The following SNX6 variants were observed in gnomAD, a reference collection of about 807,000 sequenced individuals.
SNX6 encodes the protein sorting nexin 6.
SNX6 carries 34 observed loss-of-function variants against 63.0 expected under a neutral mutation model. That is an observed-to-expected ratio of 0.54 (90% CI 0.41 to 0.72). The LOEUF is 0.72. Among genes scored for constraint, SNX6 ranks in the 30% least tolerant of loss-of-function variants. The pLI is 0.00. For synonymous variants in SNX6, 170 were observed against 164.2 expected (o/e 1.04, Z -0.27); for missense variants, 398 against 471.4 (o/e 0.84, Z 1.44).
intron 13 of SNX6, among the ~76,000 whole-genome samples, chr14:34,566,701 TTACTA>T (rs1190108850): frequency 6.6e-6 from 1 of 152,182 alleles, no homozygotes; most frequent in Non-Finnish European, 1.5e-5. Flanking sequence ...ATTCTTAAAA[TTACTA>T]TAAGGTTTAG....
At chr14:34,598,618 G>A (rs1478918322) in intron 6 of SNX6, among the ~76,000 whole-genome samples, 1 of 152,188 alleles carries the variant, frequency 6.6e-6, no homozygotes, top group East Asian at 1.9e-4. Flanking sequence ...CCTGACCTCA[G>A]GTGATCCAAC....
chr14:34,578,033 A>AC lies in SNX6; in HGVS notation c.835-2192dup, dbSNP rs535292455. Reference sequence around the variant, plus strand: ...AGCCTGGCCAACATGGTGAAACCCCACCCCCCCGTCTCTACATAAAAATTA... The same window carrying AC: ...AGCCTGGCCAACATGGTGAAACCCCACCCCCCCCGTCTCTACATAAAAATTA... On this transcript the variant is annotated intron_variant, in intron 10 of 13. Coordinates refer to ENST00000362031, the MANE Select transcript of SNX6 (RefSeq NM_152233.4). Among the ~76,000 whole-genome samples, 89 of 143,106 alleles carry AC rather than the reference A, an allele frequency of 6.2e-4. No homozygotes were observed. In the East Asian group the frequency reaches 6.7e-3, roughly 11 times the overall value. The allele number at this position is 143,106 out of a possible 152,430, so 93.9% of individuals were successfully genotyped here. A position where few individuals can be genotyped will look rare whatever the true frequency, so the allele number is the denominator to read the frequency against.
intron 9 of SNX6, among the ~76,000 whole-genome samples, chr14:34,581,835 T>TG (rs1410200252): frequency 3.3e-5 from 5 of 151,280 alleles, no homozygotes; most frequent in African/African-American, 9.8e-5. Flanking sequence ...ATTTGATTTT[T>TG]GTTTTTTTTT....
intron 2 of SNX6, among the ~76,000 whole-genome samples, chr14:34,626,357 A>C (rs1883822629): frequency 6.6e-6 from 1 of 151,986 alleles, no homozygotes; most frequent in African/African-American, 2.4e-5. Flanking sequence ...TTTGTAATAC[A>C]TGAAAAAGTC....
At chr14:34,615,317 G>C (rs1426946849) in intron 2 of SNX6, among the ~76,000 whole-genome samples, 2 of 151,960 alleles carry the variant, frequency 1.3e-5, no homozygotes, top group Admixed American at 6.6e-5. Flanking sequence ...ATACTCACAG[G>C]CTTATGTGAT....
intron 6 of SNX6, 77 bp from the exon 7 acceptor site, chr14:34,597,722 G>A: frequency 2.7e-6 from 2 of 750,816 alleles, no homozygotes; most frequent in Non-Finnish European, 2.2e-6. Flanking sequence ...ATATTTAAAT[G>A]GCAATCTCAA....
chr14:34,599,377 G>C (rs1274462869), intron 6 of SNX6, among the ~76,000 whole-genome samples: 1 of 152,210 alleles, frequency 6.6e-6, no homozygotes, highest in African/African-American at 2.4e-5. Flanking sequence ...AGGCCAAGGC[G>C]GGTGAATCAC....
At position 34,567,706 on chromosome 14, in the gene SNX6, ACT is replaced by A; in HGVS notation, c.1145_1146del (p.Glu382ValfsTer9). On this transcript the variant is annotated frameshift_variant, in exon 13 of 14. Transcript: ENST00000362031. LOFTEE classifies it high-confidence loss of function. ...AFRKNLVELA[E>X]LELKHAKGNL... The stretch of plus-strand genomic sequence containing the variant: ...ACTACCTTTGCATGCTTCAGTTCTA[ACT>A]CTGCCAGTTCCACTAAATTTTTTCT... The A allele has an allele frequency of 6.2e-7, 1 of 1,613,494 alleles. No individual in the cohort carries two copies. The highest frequency in any genetic ancestry group is 8.5e-7 in the Non-Finnish European group (1 of 1,179,510).
intron 11 of SNX6, 179 bp downstream of exon 11, chr14:34,575,577 T>A (rs1439221796): frequency 5.7e-5 from 16 of 280,478 alleles, no homozygotes; most frequent in Non-Finnish European, 2.8e-5. Context: ...GTTTCCCACA[T>A]GAAATATGTA....
At chr14:34,615,722 C>G (rs1883394253) in intron 2 of SNX6, among the ~76,000 whole-genome samples, 1 of 151,990 alleles carries the variant, frequency 6.6e-6, no homozygotes, top group Admixed American at 6.6e-5. Context: ...AAGCAATCCC[C>G]TCCGTCCTCG....
intron 2 of SNX6, among the ~76,000 whole-genome samples, chr14:34,615,506 G>A (rs562655715): frequency 8.4e-4 from 128 of 152,324 alleles, no homozygotes; most frequent in Non-Finnish European, 1.3e-3. Context: ...ATAGGCGTAA[G>A]CCACCGCACC....
intron 7 of SNX6, among the ~76,000 whole-genome samples, chr14:34,595,663 G>A (rs1325901703): frequency 6.6e-6 from 1 of 152,182 alleles, no homozygotes; most frequent in African/African-American, 2.4e-5. Flanking sequence ...TAAGCTGAGT[G>A]CTTCTTGGAA....
intron 9 of SNX6, among the ~76,000 whole-genome samples, chr14:34,584,334 C>T (rs1882063257): frequency 6.7e-6 from 1 of 149,020 alleles, no homozygotes; most frequent in South Asian, 2.4e-4. Flanking sequence ...CCAAGTCTTG[C>T]TCTGTCGCCC....
chr14:34,624,946 C>T (rs537501152), intron 2 of SNX6, among the ~76,000 whole-genome samples: 37 of 152,218 alleles, frequency 2.4e-4, no homozygotes, highest in African/African-American at 8.7e-4. Flanking sequence ...GACAGAGTCT[C>T]GCACTGTTGC....
At chr14:34,621,517 C>T (rs1010737771) in intron 2 of SNX6, among the ~76,000 whole-genome samples, 8 of 152,216 alleles carry the variant, frequency 5.3e-5, no homozygotes, top group Non-Finnish European at 1.2e-4. Flanking sequence ...ATGTATCAAG[C>T]ACTGTCCTAC....
intron 10 of SNX6, among the ~76,000 whole-genome samples, chr14:34,576,746 G>A (rs1881724776): frequency 6.6e-6 from 1 of 151,810 alleles, no homozygotes; most frequent in South Asian, 2.1e-4. Context: ...ACCATGCCCA[G>A]TCAGACTCTA....
intron 8 of SNX6, among the ~76,000 whole-genome samples, chr14:34,589,624 G>A (rs970381059): frequency 4.0e-5 from 6 of 151,616 alleles, no homozygotes; most frequent in African/African-American, 9.7e-5. Context: ...CCTGGAGTTC[G>A]AGACCAGCCT....
intron 11 of SNX6, among the ~76,000 whole-genome samples, chr14:34,573,684 G>A (rs1881557638): frequency 6.6e-6 from 1 of 151,688 alleles, no homozygotes; most frequent in South Asian, 2.1e-4. Flanking sequence ...TGTCGCCCAG[G>A]CTGGAATGCA....
At chr14:34,582,535 C>T (rs117933152) in intron 9 of SNX6, among the ~76,000 whole-genome samples, 1,931 of 151,884 alleles carry the variant, frequency 0.013, 25 homozygotes, top group Middle Eastern at 0.031. Context: ...CTAAGCCATA[C>T]ATTAAACGTG....
Sources: gnomAD v4.1 joint callset for allele counts (sites outside exome capture counted in the v4.1 genomes callset) on GRCh38, gnomAD v4.1.1 for gene constraint, MANE v1.5 for transcripts, NCBI Gene and HGNC (gene_info 2026-07-23, HGNC 2026-07-21) for gene names.